Variants in COL20A1 observed in about 807,000 individuals in gnomAD.
COL20A1 encodes collagen alpha-1(XX) chain.
A neutral mutation model predicts 152.9 loss-of-function variants in COL20A1; 164 were observed. The observed-to-expected ratio is 1.07, with a 90% confidence interval of 0.94 to 1.22. The LOEUF (loss-of-function observed/expected upper bound fraction) is 1.22. Among genes scored for constraint, COL20A1 ranks in the 50% most tolerant of loss-of-function variants. The pLI is 0.00. For synonymous variants in COL20A1, 864 were observed against 756.0 expected (o/e 1.14, Z -2.34); for missense variants, 1,873 against 1,744.8 (o/e 1.07, Z -1.31).
chr20:63,309,242 C>G (rs1175655350), intron 8 of COL20A1, 91 bp from the exon 9 acceptor site: 1 of 1,096,182 alleles, frequency 9.1e-7, no homozygotes, highest in East Asian at 3.0e-5. Context: ...CCTCTTTACT[C>G]CTGACCCAGT....
Position 63,334,516 on chromosome 20 carries a change from C to T in COL20A1, c.*3800C>T, listed in dbSNP as rs2068370282. 1 of 152,266 alleles carries T rather than the reference C, an allele frequency of 6.6e-6. No homozygotes were observed. Among genetic ancestry groups the T allele is most frequent in the Admixed American group, 6.5e-5 (1 of 15,292 alleles). The allele number at this position is 152,266 out of a possible 1,614,324, so 9.4% of individuals were successfully genotyped here. On this transcript the variant is annotated 3_prime_UTR_variant, in exon 36 of 36. Coordinates refer to ENST00000358894, the MANE Select transcript of COL20A1 (RefSeq NM_020882.4). ...TGCAACCTCTGTGCCACCCTGGGCT[C>T]AAGTGGTCCTCCTGCTCCGGTCTTC... is the stretch of plus-strand genomic sequence containing the variant.
At chr20:63,302,509 C>T (rs1456611011) in intron 3 of COL20A1, among the ~76,000 whole-genome samples, 9 of 152,074 alleles carry the variant, frequency 5.9e-5, no homozygotes, top group Admixed American at 1.3e-4. Flanking sequence ...TTAGTAGAGA[C>T]GGGGTTTCAC....
rs1427088593 is a variant in COL20A1, at chr20:63,331,886, G to A, written c.*1170G>A. ...TGCGTGCACCAAAGCATACCCCAAA[G>A]AGGTGAGCGCAAAACAGCTTCAGGG... is the stretch of plus-strand genomic sequence containing the variant. On this transcript the variant is annotated 3_prime_UTR_variant, in exon 36 of 36. Coordinates refer to ENST00000358894, the MANE Select transcript of COL20A1 (RefSeq NM_020882.4). 1 of 152,210 alleles carries A rather than the reference G, an allele frequency of 6.6e-6. No homozygotes were observed. The highest frequency in any genetic ancestry group is 1.5e-5 in the Non-Finnish European group (1 of 68,070). 9.4% of individuals were successfully genotyped at this position (152,210 alleles called of 1,614,324 possible). A position where few individuals can be genotyped will look rare whatever the true frequency, so the allele number is the denominator to read the frequency against.
intron 2 of COL20A1, among the ~76,000 whole-genome samples, chr20:63,295,857 C>T (rs1258360336): frequency 6.6e-6 from 1 of 152,278 alleles, no homozygotes; most frequent in Non-Finnish European, 1.5e-5. Flanking sequence ...GCCTCGGCCA[C>T]GCTGTAAACT....
chr20:63,323,207 T>C (rs1299876381), intron 27 of COL20A1, among the ~76,000 whole-genome samples: 2 of 152,256 alleles, frequency 1.3e-5, no homozygotes, highest in South Asian at 4.1e-4. Flanking sequence ...TTCTCCACCG[T>C]TCTTTTTTCT....
rs892770263 is a variant in COL20A1 at position 63,313,552 on chromosome 20, G to A, written c.2210-191G>A. ...TGGCGTGGTGTGGGTGTGGTGGGGT[G>A]CGGTGTGGGCAGTGGCAGGGGTGTG... On this transcript the variant is annotated intron_variant, in intron 17 of 35. Transcript: ENST00000358894. The surrounding 1 kb of genome is among the most constrained non-coding windows in gnomAD (Gnocchi z 5.9). Among the ~76,000 whole-genome samples the A allele has an allele frequency of 1.3e-5, 2 of 152,130 alleles. No homozygotes were observed. Among genetic ancestry groups the A allele is most frequent in the Admixed American group, 6.5e-5 (1 of 15,286 alleles).
rs928634885 is a variant in COL20A1 at position 63,296,780 on chromosome 20, G to A, written c.83-1130G>A. 3.9e-5 allele frequency among the ~76,000 whole-genome samples: 6 copies of A among 152,100 alleles called. No homozygotes were observed. In the East Asian group the frequency reaches 5.8e-4, roughly 15 times the overall value. On this transcript the variant is annotated intron_variant, in intron 2 of 35. Transcript: ENST00000358894. ...ACATTCCTGCCTTTCAGCCCCATCC[G>A]GAGACCCGGCCCAGCTGCTGCCTGC...
chr20:63,324,088 A>G (rs948236962), intron 27 of COL20A1, among the ~76,000 whole-genome samples: 12 of 151,934 alleles, frequency 7.9e-5, no homozygotes, highest in African/African-American at 2.7e-4. Context: ...ATCCCTACGT[A>G]TGTCCTCTTT....
intron 26 of COL20A1, 114 bp downstream of exon 26, chr20:63,321,213 C>T (rs7362092): frequency 0.017 from 11,096 of 661,504 alleles, 799 homozygotes; most frequent in African/African-American, 0.16. Context: ...CCCGTCCTGC[C>T]GCAGAGTTGG....
Position 63,309,491 on chromosome 20 carries a change from G to T in COL20A1, c.1099G>T (p.Gly367Cys), listed in dbSNP as rs1202394241. ...QRLQGGSPRQ[G>C]PAAAPALDTL... ...GCTCCAGGGTGGGAGCCCGCGGCAGGGCCCAGGTGAGGGGCAGGGTCACCC... is the reference window on the plus strand; with the variant it reads ...GCTCCAGGGTGGGAGCCCGCGGCAGTGCCCAGGTGAGGGGCAGGGTCACCC... The change falls in exon 9 of 36, where the codon GGC (glycine) becomes TGC (cysteine). Residue 367 changes from glycine to cysteine, a missense_variant. Coordinates refer to ENST00000358894, the MANE Select transcript of COL20A1 (RefSeq NM_020882.4). The T allele has an allele frequency of 2.6e-6, 4 of 1,517,964 alleles. No individual in the cohort carries two copies. Among genetic ancestry groups the T allele is most frequent in the Non-Finnish European group, 3.5e-6 (4 of 1,129,142 alleles). The allele number at this position is 1,517,964 out of a possible 1,614,324, so 94.0% of individuals were successfully genotyped here. A position where few individuals can be genotyped will look rare whatever the true frequency, so the allele number is the denominator to read the frequency against.
chr20:63,295,247 G>A, intron 2 of COL20A1, 58 bp downstream of exon 2: 1 of 1,195,104 alleles, frequency 8.4e-7, no homozygotes, highest in Non-Finnish European at 1.2e-6. Context: ...CCCCACCAGT[G>A]CCCACGCGGG....
intron 1 of COL20A1, among the ~76,000 whole-genome samples, chr20:63,293,605 G>A (rs911515255): frequency 3.3e-5 from 5 of 152,120 alleles, no homozygotes; most frequent in African/African-American, 1.2e-4. Context: ...CCTGGCAGGG[G>A]TCCCACTGAG....
intron 34 of COL20A1, among the ~76,000 whole-genome samples, chr20:63,328,714 C>T (rs1202143687): frequency 1.3e-5 from 2 of 152,328 alleles, no homozygotes; most frequent in East Asian, 3.9e-4. Context: ...GCCTGGCCTT[C>T]CAGGGCCCTC....
chr20:63,327,752 G>A (rs947604851), intron 31 of COL20A1, 200 bp from the exon 32 acceptor site: 22 of 604,802 alleles, frequency 3.6e-5, no homozygotes, highest in Non-Finnish European at 5.9e-5. Flanking sequence ...CTGCAGAACC[G>A]AGCCTCTCAC....
chr20:63,299,540 G>A (rs113681021), intron 3 of COL20A1, among the ~76,000 whole-genome samples: 275 of 152,176 alleles, frequency 1.8e-3, no homozygotes, highest in African/African-American at 2.9e-3. Flanking sequence ...TCCTGTAGCC[G>A]CTATCACAAT....
In COL20A1 at chr20:63,328,556, C is replaced by T. The variant is rs1601445822; in HGVS notation, c.3781+58C>T. ...GTGGCCGGTGGGGGCGCCGGTTGTC[C>T]CCTGGTCCTGGGGCTGGGGCTTCAA... On this transcript the variant is annotated intron_variant, in intron 34 of 35. Coordinates refer to ENST00000358894, the MANE Select transcript of COL20A1 (RefSeq NM_020882.4). The T allele has an allele frequency of 4.6e-6, 7 of 1,509,906 alleles. No homozygotes were observed. In the East Asian group the frequency reaches 1.6e-4, roughly 34 times the overall value. 93.5% of individuals were successfully genotyped at this position (1,509,906 alleles called of 1,614,324 possible).
At position 63,313,758 on chromosome 20, in the gene COL20A1, GC is replaced by G; in HGVS notation, c.2228del (p.Pro743HisfsTer54). The G allele has an allele frequency of 6.3e-7, 1 of 1,598,920 alleles. No homozygotes were observed. Among genetic ancestry groups the G allele is most frequent in the African/African-American group, 1.3e-5 (1 of 74,438 alleles). On this transcript the variant is annotated frameshift_variant, in exon 18 of 36. Transcript: ENST00000358894. LOFTEE classifies it high-confidence loss of function. The surrounding 1 kb of genome is among the most constrained non-coding windows in gnomAD (Gnocchi z 5.9). Reference protein sequence around the residue: ...LRYTPSTVSRSPPSNLALASE... With the variant: ...LRYTPSTVSRXPPSNLALASE... ...TCTCGGCCAGCCACGGTGAGCAGGA[GC>G]CCACCCTCCAACCTGGCCCTGGCCT...
In COL20A1 at chr20:63,326,142, GC is replaced by G; in HGVS notation, c.3453del (p.Arg1152GlyfsTer50). ...ACTGCTGGCCTGCCTGGACCCCCTG[GC>G]CCCAGGGTAGGCACCGACCTCCCAT... ...EGTAGLPGPP[G>X]PRGFQGMAGA... On this transcript the variant is annotated frameshift_variant, in exon 30 of 36. Transcript: ENST00000358894. LOFTEE classifies it high-confidence loss of function. 6.2e-7 allele frequency: 1 copy of G among 1,612,340 alleles called. No individual in the cohort carries two copies. Among genetic ancestry groups the G allele is most frequent in the East Asian group, 2.2e-5 (1 of 44,862 alleles).
Position 63,311,856 on chromosome 20 carries a change from C to T in COL20A1, c.1664-60C>T. On this transcript the variant is annotated intron_variant, in intron 13 of 35. Transcript: ENST00000358894. This position sits in a 1 kb window ranked among gnomAD's most constrained non-coding sequence, Gnocchi z 4.4. ...GGCCCCCTCGGTCCCAGCCACTGCC[C>T]ACCCTTGCCCCTGCCATGGAGGCCG... is the stretch of plus-strand genomic sequence containing the variant. 1 of 1,506,902 alleles carries T rather than the reference C, an allele frequency of 6.6e-7. No individual in the cohort carries two copies. Among genetic ancestry groups the T allele is most frequent in the African/African-American group, 1.4e-5 (1 of 72,518 alleles). The allele number at this position is 1,506,902 out of a possible 1,614,324, so 93.3% of individuals were successfully genotyped here.
Sources: gnomAD v4.1 joint callset for allele counts (sites outside exome capture counted in the v4.1 genomes callset) on GRCh38, gnomAD v4.1.1 for gene constraint, Gnocchi (gnomAD v3.1) non-coding constraint, MANE v1.5 for transcripts, NCBI Gene and HGNC (gene_info 2026-07-23, HGNC 2026-07-21) for gene names.